Variants in GTF2E2 observed in about 807,000 individuals in gnomAD.
GTF2E2 encodes the protein general transcription factor IIE subunit 2, also known as transcription initiation factor IIE subunit beta.
In GTF2E2, 21 loss-of-function variants were observed where a neutral mutation model predicts 40.5. The ratio of observed to expected loss-of-function variants is 0.52; its 90% CI spans 0.37 to 0.75. The LOEUF is 0.75. Ranked by LOEUF, GTF2E2 falls within the 30% of genes least tolerant of loss-of-function variation. The probability of loss-of-function intolerance (pLI) is 0.00; values close to 1 mark genes in which losing one functional copy is unlikely to be tolerated. For synonymous variants in GTF2E2, 117 were observed against 121.6 expected, an observed-to-expected ratio of 0.96 and a Z score of 0.25; for missense variants, 298 against 338.4, an observed-to-expected ratio of 0.88 and a Z score of 0.94.
chr8:30,641,253 C>A (rs1243222177), intron 2 of GTF2E2, among the ~76,000 whole-genome samples: 1 of 152,186 alleles, frequency 6.6e-6, no homozygotes, highest in Non-Finnish European at 1.5e-5. Flanking sequence ...ACAACATAAA[C>A]CTGACCTATA....
intron 2 of GTF2E2, among the ~76,000 whole-genome samples, chr8:30,636,331 G>A (rs1333705963): frequency 1.3e-5 from 2 of 152,202 alleles, no homozygotes; most frequent in East Asian, 3.9e-4. Context: ...GGGGAGAGGA[G>A]AACCAATCTC....
intron 2 of GTF2E2, among the ~76,000 whole-genome samples, chr8:30,652,752 T>C (rs1802323345): frequency 6.6e-6 from 1 of 152,204 alleles, no homozygotes; most frequent in Admixed American, 6.5e-5. Flanking sequence ...CAAAGACTTG[T>C]ACATGAATAT....
chr8:30,635,198 T>C (rs561428039), intron 2 of GTF2E2, 75 bp from the exon 3 acceptor site: 8 of 791,532 alleles, frequency 1.0e-5, no homozygotes, highest in African/African-American at 1.7e-5. Flanking sequence ...ATAATTTTAA[T>C]GCTGGTAACA....
chr8:30,606,237 A>AT (rs1333432273), intron 6 of GTF2E2, among the ~76,000 whole-genome samples: 4 of 152,180 alleles, frequency 2.6e-5, no homozygotes, highest in African/African-American at 4.8e-5. Flanking sequence ...CTCAATTGGG[A>AT]TTTTCACAAA....
At chr8:30,643,167 T>C (rs916391411) in intron 2 of GTF2E2, among the ~76,000 whole-genome samples, 13 of 152,228 alleles carry the variant, frequency 8.5e-5, no homozygotes, top group Non-Finnish European at 1.2e-4. Flanking sequence ...AGGAATTATA[T>C]TGTTATGGCT....
chr8:30,606,517 G>A (rs1829319429), intron 6 of GTF2E2, among the ~76,000 whole-genome samples: 1 of 152,106 alleles, frequency 6.6e-6, no homozygotes, highest in African/African-American at 2.4e-5. Flanking sequence ...CTTGTTTAAT[G>A]ACAAATTATT....
chr8:30,608,944 T>C (rs1333798181), intron 5 of GTF2E2, among the ~76,000 whole-genome samples: 4 of 151,858 alleles, frequency 2.6e-5, no homozygotes, highest in Non-Finnish European at 4.4e-5. Flanking sequence ...AGAGACAGCG[T>C]TTCACCATGT....
intron 3 of GTF2E2, among the ~76,000 whole-genome samples, chr8:30,630,425 CTTA>C (rs965005609): frequency 6.6e-6 from 1 of 151,672 alleles, no homozygotes; most frequent in African/African-American, 2.4e-5. Context: ...CTAAATCATT[CTTA>C]TTAAGCAATT....
At chr8:30,640,148 G>A (rs537257583) in intron 2 of GTF2E2, among the ~76,000 whole-genome samples, 34 of 152,244 alleles carry the variant, frequency 2.2e-4, no homozygotes, top group Admixed American at 2.1e-3. Flanking sequence ...AAACTGACTG[G>A]AGACATGGCC....
At chr8:30,637,685 G>A (rs561528874) in intron 2 of GTF2E2, among the ~76,000 whole-genome samples, 1 of 152,194 alleles carries the variant, frequency 6.6e-6, no homozygotes, top group South Asian at 2.1e-4. Context: ...CACCGTGCCT[G>A]GCTAATTTTT....
rs1423190761 is a variant in GTF2E2 at position 30,644,281 on chromosome 8, A to G, written c.166+9152T>C. On this transcript the variant is annotated intron_variant, in intron 2 of 7. Transcript: ENST00000355904. ...TCACCAGCTTCTTTTGTGAAATGGA[A>G]TAATAACTGATACCTTTGGGAGGGC... is the stretch of plus-strand genomic sequence containing the variant. Among the ~76,000 whole-genome samples the G allele has an allele frequency of 2.0e-5, 3 of 152,354 alleles. No homozygotes were observed. In the South Asian group the frequency reaches 6.2e-4, roughly 32 times the overall value.
chr8:30,635,092 A>G lies in GTF2E2; in HGVS notation c.198T>C (p.Ala66=), dbSNP rs762016323. ...ACTTATATCCAGAGCTTCCTGACAA[A>G]GCTTTCAAGTTAAATGATCCATTGC... is the stretch of plus-strand genomic sequence containing the variant. ...DHSNGSFNLK[A]LSGSSGYKFG... is the part of the protein sequence containing the mutation. The change falls in exon 3 of 8, where the codon GCT becomes GCC. Residue 66 remains alanine, a synonymous_variant. Transcript: ENST00000355904. The G allele has an allele frequency of 1.8e-5, 29 of 1,607,906 alleles. No individual in the cohort carries two copies. The East Asian group carries it at 6.5e-4, about 36-fold the overall frequency.
chr8:30,583,874 C>T lies in GTF2E2; in HGVS notation c.644-3478G>A, dbSNP rs949451097. ...AGGCTGGAGTGCAGTGGTGCGATCT[C>T]GGCTCACTGCAAGCTCCACCTCCCG... is the stretch of plus-strand genomic sequence containing the variant. On this transcript the variant is annotated intron_variant, in intron 6 of 7. Transcript: ENST00000355904. Among the ~76,000 whole-genome samples, 12 of 152,006 alleles carry T rather than the reference C, an allele frequency of 7.9e-5. No homozygotes were observed. In the South Asian group the frequency reaches 2.5e-3, roughly 32 times the overall value.
chr8:30,627,467 A>AC (rs1311791689), intron 3 of GTF2E2, among the ~76,000 whole-genome samples: 1 of 151,456 alleles, frequency 6.6e-6, no homozygotes, highest in East Asian at 1.9e-4. Flanking sequence ...AAAAAAAAAA[A>AC]AAAACTCAGG....
intron 5 of GTF2E2, 49 bp from the exon 6 acceptor site, chr8:30,607,199 CA>C (rs1167740153): frequency 3.1e-6 from 2 of 654,650 alleles, no homozygotes; most frequent in Non-Finnish European, 5.2e-6. Flanking sequence ...CAAATTACCT[CA>C]CCAAAAAAAA....
At chr8:30,654,114 A>G (rs1013410846) in intron 1 of GTF2E2, among the ~76,000 whole-genome samples, 9 of 151,654 alleles carry the variant, frequency 5.9e-5, no homozygotes, top group Non-Finnish European at 1.3e-4. Context: ...AAAGAAAGAA[A>G]GAAAAGAAAC....
intron 3 of GTF2E2, among the ~76,000 whole-genome samples, chr8:30,626,576 G>A (rs1801282551): frequency 6.6e-6 from 1 of 152,152 alleles, no homozygotes; most frequent in South Asian, 2.1e-4. Context: ...TAACATATTA[G>A]CATCTATGTC....
chr8:30,650,444 C>T (rs1348137687), intron 2 of GTF2E2, among the ~76,000 whole-genome samples: 1 of 150,232 alleles, frequency 6.7e-6, no homozygotes, highest in African/African-American at 2.5e-5. Context: ...AATCCCAGCA[C>T]TTTGGGAGGC....
intron 6 of GTF2E2, among the ~76,000 whole-genome samples, chr8:30,583,311 G>A (rs1455824997): frequency 6.6e-6 from 1 of 152,154 alleles, no homozygotes; most frequent in Non-Finnish European, 1.5e-5. Flanking sequence ...TCCAGCCTGG[G>A]TAACACAGCG....
Sources: allele counts gnomAD v4.1 joint callset (sites outside exome capture counted in the v4.1 genomes callset), GRCh38; gene constraint gnomAD v4.1.1; transcripts MANE v1.5; gene names NCBI Gene and HGNC (gene_info 2026-07-23, HGNC 2026-07-21).